Variants in ZNG1C observed in about 807,000 individuals in gnomAD.
ZNG1C encodes the protein zinc-regulated GTPase metalloprotein activator 1C.
At chr9:68,288,467 T>C in the ZNG1C span, among the ~76,000 whole-genome samples, 3 of 152,288 alleles carry the variant, frequency 2.0e-5, no homozygotes, top group Admixed American at 6.5e-5. Context: ...TGTTTTTGTT[T>C]TTTTGGTTTT....
chr9:68,257,305 TG>T, the ZNG1C span, among the ~76,000 whole-genome samples: 1 of 128,536 alleles, frequency 7.8e-6, no homozygotes, highest in Non-Finnish European at 1.7e-5. Context: ...CCCAAAGTGC[TG>T]GGATTACAGG....
At chr9:68,247,425 TTAAA>T in the ZNG1C span, among the ~76,000 whole-genome samples, 94 of 151,510 alleles carry the variant, frequency 6.2e-4, 3 homozygotes, top group Middle Eastern at 3.4e-3. Flanking sequence ...TTAAGACATC[TTAAA>T]TAAAAGCTAA....
chr9:68,284,834 A>G, the ZNG1C span, among the ~76,000 whole-genome samples: 1 of 149,924 alleles, frequency 6.7e-6, no homozygotes, highest in Non-Finnish European at 1.5e-5. Context: ...ATGATAGGGA[A>G]AAAATCGAGG....
the ZNG1C span, among the ~76,000 whole-genome samples, chr9:68,290,734 CT>C: frequency 7.1e-6 from 1 of 140,464 alleles, no homozygotes; most frequent in Non-Finnish European, 1.5e-5. Context: ...ATTTGACAAC[CT>C]TTTGCTGTAT....
At chr9:68,276,538 C>T in the ZNG1C span, among the ~76,000 whole-genome samples, 2 of 149,312 alleles carry the variant, frequency 1.3e-5, no homozygotes, top group African/African-American at 5.0e-5. Flanking sequence ...GCCGGTTTTC[C>T]CAGCACCATT....
chr9:68,290,936 T>G, the ZNG1C span, among the ~76,000 whole-genome samples: 1 of 151,610 alleles, frequency 6.6e-6, no homozygotes, highest in African/African-American at 2.4e-5. Context: ...CTGCATAAGA[T>G]TACGATGGAG....
chr9:68,276,285 C>T, the ZNG1C span, among the ~76,000 whole-genome samples: 428 of 131,720 alleles, frequency 3.2e-3, 4 homozygotes, highest in African/African-American at 0.011. Context: ...GTTTCTTTTG[C>T]TGTGCAGAAG....
the ZNG1C span, among the ~76,000 whole-genome samples, chr9:68,296,413 T>C: frequency 6.6e-6 from 1 of 151,928 alleles, no homozygotes; most frequent in Non-Finnish European, 1.5e-5. Context: ...AAATCACCAC[T>C]AAAGAAGTTA....
the ZNG1C span, chr9:68,272,373 T>C: frequency 1.2e-5 from 1 of 83,530 alleles, no homozygotes; most frequent in Non-Finnish European, 2.6e-5. Flanking sequence ...GCTTTTTCTT[T>C]CCCTTTTTTG....
At chr9:68,285,000 T>A in the ZNG1C span, among the ~76,000 whole-genome samples, 1 of 151,036 alleles carries the variant, frequency 6.6e-6, no homozygotes, top group East Asian at 1.9e-4. Flanking sequence ...TTTCGAAATG[T>A]TTTTCTAAAG....
the ZNG1C span, among the ~76,000 whole-genome samples, chr9:68,281,564 G>A: frequency 3.0e-5 from 3 of 99,764 alleles, no homozygotes; most frequent in African/African-American, 1.1e-4. Flanking sequence ...ATAGGCATGA[G>A]AATGTGCAGC....
the ZNG1C span, among the ~76,000 whole-genome samples, chr9:68,266,681 A>T: frequency 1.5e-5 from 2 of 136,528 alleles, no homozygotes; most frequent in Non-Finnish European, 3.1e-5. Context: ...ATGTATTCTC[A>T]CTCTGCCAAT....
chr9:68,274,067 A>T, the ZNG1C span: 1 of 148,990 alleles, frequency 6.7e-6, no homozygotes, highest in East Asian at 2.0e-4. Context: ...GATGGTCTTG[A>T]TCTTGACCTT....
the ZNG1C span, among the ~76,000 whole-genome samples, chr9:68,281,261 G>A: frequency 3.9e-5 from 6 of 152,270 alleles, no homozygotes; most frequent in Non-Finnish European, 7.3e-5. Context: ...AGATGAACCC[G>A]GTACCTCAGA....
chr9:68,278,392 T>G, the ZNG1C span, among the ~76,000 whole-genome samples: 1 of 98,666 alleles, frequency 1.0e-5, no homozygotes, highest in African/African-American at 3.9e-5. Flanking sequence ...CTTTTAATTG[T>G]GATGTTAGGG....
the ZNG1C span, chr9:68,273,873 A>C: frequency 1.2e-5 from 1 of 85,374 alleles, no homozygotes; most frequent in African/African-American, 4.0e-5. Context: ...GCGGAGTCTC[A>C]CTCTGTGCCA....
the ZNG1C span, chr9:68,249,125 T>G: frequency 2.7e-5 from 16 of 597,186 alleles, no homozygotes; most frequent in Non-Finnish European, 2.9e-5. Context: ...TTGGAAGTTT[T>G]ATTGATTGAT....
chr9:68,260,247 G>GTTTTTT, the ZNG1C span, among the ~76,000 whole-genome samples: 1 of 126,420 alleles, frequency 7.9e-6, no homozygotes. Flanking sequence ...AAGACATTTT[G>GTTTTTT]TTTTTTTTTT....
At chr9:68,249,143 T>C in the ZNG1C span, 1 of 548,384 alleles carries the variant, frequency 1.8e-6, no homozygotes, top group African/African-American at 1.9e-5. Context: ...GATTTAGGAT[T>C]ATTTGTAAGA....
Sources: allele counts gnomAD v4.1 joint callset (sites outside exome capture counted in the v4.1 genomes callset), GRCh38; gene constraint gnomAD v4.1.1; transcripts MANE v1.5; gene names NCBI Gene and HGNC (gene_info 2026-07-23, HGNC 2026-07-21).